The following XPNPEP3 variants were observed in gnomAD, a reference collection of about 807,000 sequenced individuals.
XPNPEP3 encodes the protein xaa-Pro aminopeptidase 3.
In XPNPEP3, 41 loss-of-function variants were observed where a neutral mutation model predicts 60.0. That is an observed-to-expected ratio of 0.68 (90% CI 0.53 to 0.89). The LOEUF (loss-of-function observed/expected upper bound fraction) is 0.89, where lower values mean the gene tolerates loss of function less well. Ranked by LOEUF, XPNPEP3 falls within the 40% of genes least tolerant of loss-of-function variation. XPNPEP3 has a pLI of 0.00. For missense variants in XPNPEP3, 598 were observed against 638.9 expected (o/e 0.94, Z 0.69); for synonymous variants, 212 against 223.2 (o/e 0.95, Z 0.45).
intron 2 of XPNPEP3, among the ~76,000 whole-genome samples, chr22:40,875,927 T>C (rs2058026145): frequency 6.6e-6 from 1 of 151,184 alleles, no homozygotes; most frequent in Non-Finnish European, 1.5e-5. Context: ...GACTGAGGCA[T>C]GAGAATCACT....
intron 1 of XPNPEP3, among the ~76,000 whole-genome samples, chr22:40,857,457 A>C (rs1450579404): frequency 6.6e-6 from 1 of 152,246 alleles, no homozygotes; most frequent in African/African-American, 2.4e-5. Flanking sequence ...TGAAGCCGAA[A>C]TGACTGCAGA....
chr22:40,872,903 G>A (rs921491347), intron 2 of XPNPEP3, among the ~76,000 whole-genome samples: 4 of 151,906 alleles, frequency 2.6e-5, no homozygotes, highest in Non-Finnish European at 5.9e-5. Flanking sequence ...GAGAATGAAC[G>A]GGAAGAATCA....
chr22:40,894,139 A>G (rs1000939909), intron 4 of XPNPEP3, among the ~76,000 whole-genome samples: 5 of 152,148 alleles, frequency 3.3e-5, no homozygotes, highest in African/African-American at 9.6e-5. Context: ...AGGTGCTGCT[A>G]TGATCATTTC....
intron 7 of XPNPEP3, among the ~76,000 whole-genome samples, chr22:40,914,696 G>A (rs2058189492): frequency 6.6e-6 from 1 of 151,582 alleles, no homozygotes; most frequent in Non-Finnish European, 1.5e-5. Context: ...AAGTAGCTGG[G>A]ACTATAGGCA....
At chr22:40,874,024 A>G (rs550502177) in intron 2 of XPNPEP3, among the ~76,000 whole-genome samples, 1 of 152,280 alleles carries the variant, frequency 6.6e-6, no homozygotes, top group South Asian at 2.1e-4. Context: ...TATTTTTAAA[A>G]CTTGTTAAAT....
intron 7 of XPNPEP3, among the ~76,000 whole-genome samples, chr22:40,921,883 A>G (rs1476036607): frequency 6.6e-6 from 1 of 152,116 alleles, no homozygotes; most frequent in Non-Finnish European, 1.5e-5. Context: ...AAAGACACTT[A>G]AGTGCTAGTA....
intron 5 of XPNPEP3, 108 bp from the exon 6 acceptor site, chr22:40,909,014 A>G: frequency 2.4e-6 from 2 of 844,998 alleles, no homozygotes; most frequent in South Asian, 2.8e-5. Flanking sequence ...GCTTCCCAGT[A>G]ATGACTTAAG....
intron 4 of XPNPEP3, among the ~76,000 whole-genome samples, chr22:40,896,459 A>C (rs1393647745): frequency 1.3e-5 from 2 of 152,230 alleles, no homozygotes; most frequent in African/African-American, 4.8e-5. Context: ...TGAGGCCAGG[A>C]GTTTGAGACC....
chr22:40,866,519 T>C (rs2057979537), intron 1 of XPNPEP3, among the ~76,000 whole-genome samples: 5 of 152,182 alleles, frequency 3.3e-5, no homozygotes, highest in Admixed American at 3.3e-4. Flanking sequence ...ATGCAAATGC[T>C]ATTATGATGC....
In XPNPEP3 at chr22:40,930,868, C is replaced by G. The variant is rs1022838526; in HGVS notation, c.*4433C>G. 1 of 151,884 alleles carries G rather than the reference C, an allele frequency of 6.6e-6. No homozygotes were observed. The highest frequency in any genetic ancestry group is 2.4e-5 in the African/African-American group (1 of 41,292). The allele number at this position is 151,884 out of a possible 1,614,324, so 9.4% of individuals were successfully genotyped here. Reference sequence around the variant, plus strand: ...ACAGGCATGAGCCACGGCCCCCAGCCAGAGACAGTCTTGCTTTGTCGCCAG... The same window carrying G: ...ACAGGCATGAGCCACGGCCCCCAGCGAGAGACAGTCTTGCTTTGTCGCCAG... On this transcript the variant is annotated 3_prime_UTR_variant, in exon 10 of 10. Coordinates refer to ENST00000357137, the MANE Select transcript of XPNPEP3 (RefSeq NM_022098.4).
chr22:40,883,330 T>C (rs954988013), intron 3 of XPNPEP3, among the ~76,000 whole-genome samples: 2 of 152,142 alleles, frequency 1.3e-5, no homozygotes, highest in Non-Finnish European at 2.9e-5. Flanking sequence ...TAACAGATCT[T>C]TTGTGGTTCA....
chr22:40,913,455 G>A (rs1348204038), intron 6 of XPNPEP3, among the ~76,000 whole-genome samples: 1 of 149,064 alleles, frequency 6.7e-6, no homozygotes, highest in Non-Finnish European at 1.5e-5. Flanking sequence ...AAAAAAAAAA[G>A]AGGGAAGTGA....
intron 1 of XPNPEP3, among the ~76,000 whole-genome samples, chr22:40,863,971 G>C (rs1320463832): frequency 6.6e-6 from 1 of 152,190 alleles, no homozygotes; most frequent in Non-Finnish European, 1.5e-5. Flanking sequence ...GCTGTTACCG[G>C]AAAGGGGTCC....
At position 40,927,277 on chromosome 22, in the gene XPNPEP3, C is replaced by G. The variant is rs974898815; in HGVS notation, c.*842C>G. 7 of 152,138 alleles carry G rather than the reference C, an allele frequency of 4.6e-5. No individual in the cohort carries two copies. The highest frequency in any genetic ancestry group is 1.4e-4 in the African/African-American group (6 of 41,400). The allele number at this position is 152,138 out of a possible 1,614,324, so 9.4% of individuals were successfully genotyped here. A position where few individuals can be genotyped will look rare whatever the true frequency, so the allele number is the denominator to read the frequency against. ...TCTCTTGAGACCAGGAGGTCAAGACCAGCCTGGCCAACGTGGTGAAACACT... is the reference window on the plus strand; with the variant it reads ...TCTCTTGAGACCAGGAGGTCAAGACGAGCCTGGCCAACGTGGTGAAACACT... On this transcript the variant is annotated 3_prime_UTR_variant, in exon 10 of 10. Coordinates refer to ENST00000357137, the MANE Select transcript of XPNPEP3 (RefSeq NM_022098.4).
In XPNPEP3 at chr22:40,887,097, A is replaced by C. The variant is rs77043463; in HGVS notation, c.792+582A>C. Among the ~76,000 whole-genome samples, 231 of 152,294 alleles carry C rather than the reference A, an allele frequency of 1.5e-3. 1 individual carries two copies. Among genetic ancestry groups the C allele is most frequent in the Non-Finnish European group, 2.8e-3 (189 of 68,020 alleles). ...GAAATTAATACTGTTTCTTTTCCTT[A>C]TAGTTACACTAATAGTGTCAGTTAA... On this transcript the variant is annotated intron_variant, in intron 4 of 9. Transcript: ENST00000357137.
At position 40,926,358 on chromosome 22, in the gene XPNPEP3, G is replaced by T; in HGVS notation, c.1447G>T (p.Asp483Tyr). The change falls in exon 10 of 10, where the codon GAC (aspartate) becomes TAC (tyrosine). Residue 483 changes from aspartate (D) to tyrosine (Y), a missense_variant. Physicochemically the swap from Asp to Tyr is radical, Grantham distance 160. Coordinates refer to ENST00000357137, the MANE Select transcript of XPNPEP3 (RefSeq NM_022098.4). ...TGAGGATGATGTAGTGGTGACTCAG[G>T]ACTCACCTCTCATCCTTTCTGCAGA... The part of the protein sequence containing the change: ...RIEDDVVVTQ[D>Y]SPLILSADCP... The T allele has an allele frequency of 6.2e-7, 1 of 1,614,106 alleles. No homozygotes were observed. Among genetic ancestry groups the T allele is most frequent in the South Asian group, 1.1e-5 (1 of 91,082 alleles).
chr22:40,889,885 T>A (rs551735780), intron 4 of XPNPEP3, among the ~76,000 whole-genome samples: 12 of 152,320 alleles, frequency 7.9e-5, no homozygotes, highest in African/African-American at 2.9e-4. Context: ...GGGTTGGTAC[T>A]GATTTAAACA....
intron 4 of XPNPEP3, chr22:40,888,537 C>A: frequency 8.7e-6 from 2 of 229,916 alleles, no homozygotes; most frequent in Non-Finnish European, 1.8e-5. Context: ...AGCTGCCATG[C>A]CCAGCTTCAT....
intron 9 of XPNPEP3, 101 bp downstream of exon 9, chr22:40,924,583 G>A: frequency 6.7e-7 from 1 of 1,498,260 alleles, no homozygotes; most frequent in Non-Finnish European, 9.1e-7. Context: ...GAGTGAAGTG[G>A]TGTGATCTTC....
Sources: allele counts gnomAD v4.1 joint callset (sites outside exome capture counted in the v4.1 genomes callset), GRCh38; gene constraint gnomAD v4.1.1; transcripts MANE v1.5; gene names NCBI Gene and HGNC (gene_info 2026-07-23, HGNC 2026-07-21).